Variants in PM20D2 observed in about 807,000 individuals in gnomAD.
PM20D2 encodes peptidase M20 domain containing 2.
A neutral mutation model predicts 42.9 loss-of-function variants in PM20D2; 33 were observed. That is an observed-to-expected ratio of 0.77 (90% confidence interval 0.58 to 1.03). PM20D2 has a LOEUF of 1.03. Among genes scored for constraint, PM20D2 ranks in the 50% least tolerant of loss-of-function variants. The pLI, the probability that PM20D2 is intolerant of heterozygous loss-of-function variation, is 0.00. For synonymous variants in PM20D2, 250 were observed against 228.2 expected (o/e 1.10, Z -0.86); for missense variants, 548 against 557.0 (o/e 0.98, Z 0.16).
the PM20D2 span, among the ~76,000 whole-genome samples, chr6:89,139,941 T>G: frequency 6.6e-6 from 1 of 152,222 alleles, no homozygotes; most frequent in African/African-American, 2.4e-5. Context: ...GGATTTGAAT[T>G]TAATGCCTCA....
chr6:89,101,782 T>A, the PM20D2 span, among the ~76,000 whole-genome samples: 2 of 152,062 alleles, frequency 1.3e-5, no homozygotes, highest in African/African-American at 4.8e-5. Flanking sequence ...ACCACAAGAC[T>A]GACAACTCAC....
chr6:89,148,283 C>G (rs1423730449), intron 1 of PM20D2, among the ~76,000 whole-genome samples: 1 of 152,120 alleles, frequency 6.6e-6, no homozygotes, highest in Non-Finnish European at 1.5e-5. Flanking sequence ...CCGGCCCACT[C>G]TTCTAACTTC....
chr6:89,159,226 C>T (rs1397582289), intron 5 of PM20D2, among the ~76,000 whole-genome samples: 1 of 152,040 alleles, frequency 6.6e-6, no homozygotes, highest in African/African-American at 2.4e-5. Context: ...ACATAGATGT[C>T]GATGAGGTTG....
chr6:89,148,700 CAGA>C (rs1272279907), intron 1 of PM20D2: 9 of 414,274 alleles, frequency 2.2e-5, no homozygotes, highest in Non-Finnish European at 2.9e-5. Flanking sequence ...GAGTTTAGGC[CAGA>C]AGATCAGGAC....
upstream of PM20D2, among the ~76,000 whole-genome samples, chr6:89,145,660 T>C (rs1429048233): frequency 1.3e-5 from 2 of 152,148 alleles, no homozygotes; most frequent in Non-Finnish European, 2.9e-5. Context: ...AGTACAGCAT[T>C]GACACTGACG....
chr6:89,147,499 ATT>A (rs890247729), intron 1 of PM20D2, among the ~76,000 whole-genome samples: 1 of 150,778 alleles, frequency 6.6e-6, no homozygotes, highest in African/African-American at 2.4e-5. Context: ...TCGTTTTTGC[ATT>A]TGTTAGGTTT....
rs74617481 is a variant in PM20D2, at chr6:89,158,080, T to C, written c.913-245T>C. On this transcript the variant is annotated intron_variant, in intron 4 of 6. Transcript: ENST00000275072. Reference sequence around the variant, plus strand: ...ACTGAAGTTGACACTTGGTAGCTAGTATAGAGCTTGGTGACATTGTGGGGT... The same window carrying C: ...ACTGAAGTTGACACTTGGTAGCTAGCATAGAGCTTGGTGACATTGTGGGGT... Among the ~76,000 whole-genome samples, 1,017 of 152,230 alleles carry C rather than the reference T, an allele frequency of 6.7e-3. 12 individuals are homozygous for C. The highest frequency in any genetic ancestry group is 0.024 in the African/African-American group (984 of 41,530).
chr6:89,098,449 T>C, the PM20D2 span: 4 of 1,195,250 alleles, frequency 3.3e-6, no homozygotes, highest in Non-Finnish European at 4.5e-6. Flanking sequence ...AGAGATTTTA[T>C]TTCTTCCATA....
the PM20D2 span, among the ~76,000 whole-genome samples, chr6:89,119,300 A>G: frequency 6.6e-6 from 1 of 152,252 alleles, no homozygotes; most frequent in Non-Finnish European, 1.5e-5. Flanking sequence ...GAAAAGAACT[A>G]TATGCTGCTG....
chr6:89,116,939 T>G, the PM20D2 span, among the ~76,000 whole-genome samples: 1 of 152,128 alleles, frequency 6.6e-6, no homozygotes, highest in East Asian at 1.9e-4. Flanking sequence ...CCGCTCTCCC[T>G]TATGTACAAT....
At position 89,158,318 on chromosome 6, in the gene PM20D2, T is replaced by G. The variant is rs1562259750; in HGVS notation, c.913-7T>G. 1.9e-6 allele frequency: 3 copies of G among 1,563,790 alleles called. No homozygotes were observed. The highest frequency in any genetic ancestry group is 1.2e-5 in the South Asian group (1 of 83,384). ...ATTTCAAAATTTGTTTTGCAATTTTTTATTAGGTGGAAATTAAAGGTGGAG... is the reference window on the plus strand; with the variant it reads ...ATTTCAAAATTTGTTTTGCAATTTTGTATTAGGTGGAAATTAAAGGTGGAG... On this transcript the variant is annotated splice_polypyrimidine_tract_variant and splice_region_variant and intron_variant, in intron 4 of 6. Coordinates refer to ENST00000275072, the MANE Select transcript of PM20D2 (RefSeq NM_001010853.3).
the PM20D2 span, chr6:89,105,664 G>A: frequency 3.5e-6 from 2 of 567,050 alleles, no homozygotes; most frequent in South Asian, 3.7e-5. Context: ...AATATAATAT[G>A]AATAATCAGA....
rs140979599 is a variant in PM20D2 at position 89,146,805 on chromosome 6, G to A, written c.465+196G>A. 4.6e-5 allele frequency among the ~76,000 whole-genome samples: 7 copies of A among 152,356 alleles called. No homozygotes were observed. In the East Asian group the frequency reaches 1.4e-3, roughly 29 times the overall value. ...GAACCCCCAGTCAAAGTCAGTTCGC[G>A]TTGCCGACCTGGCGACATCTTGCAG... On this transcript the variant is annotated intron_variant, in intron 1 of 6. Coordinates refer to ENST00000275072, the MANE Select transcript of PM20D2 (RefSeq NM_001010853.3).
At chr6:89,151,043 T>G (rs550964659) in intron 2 of PM20D2, among the ~76,000 whole-genome samples, 1 of 150,080 alleles carries the variant, frequency 6.7e-6, no homozygotes, top group African/African-American at 2.5e-5. Flanking sequence ...CCCAGCTACT[T>G]GGGAGGCTGA....
At chr6:89,134,440 A>T in the PM20D2 span, among the ~76,000 whole-genome samples, 1 of 150,618 alleles carries the variant, frequency 6.6e-6, no homozygotes, top group Non-Finnish European at 1.5e-5. Context: ...TCCTGACTGA[A>T]CCCCCACACA....
intron 6 of PM20D2, 98 bp downstream of exon 6, chr6:89,161,988 C>T: frequency 1.4e-6 from 2 of 1,475,970 alleles, no homozygotes; most frequent in East Asian, 4.6e-5. Context: ...ATAACATCAC[C>T]TCAGTAAATA....
At chr6:89,140,233 G>A in the PM20D2 span, among the ~76,000 whole-genome samples, 1 of 152,058 alleles carries the variant, frequency 6.6e-6, no homozygotes, top group Non-Finnish European at 1.5e-5. Context: ...CAGGCATGAA[G>A]CACCAGTCCT....
the PM20D2 span, among the ~76,000 whole-genome samples, chr6:89,130,051 A>G: frequency 6.4e-5 from 1 of 15,718 alleles, no homozygotes; most frequent in South Asian, 4.0e-3. Context: ...CTTCTAAATT[A>G]AAAAAAAAAA....
Position 89,153,172 on chromosome 6 carries a change from C to G in PM20D2, c.744C>G (p.Thr248=). The G allele has an allele frequency of 6.2e-7, 1 of 1,602,880 alleles. No individual in the cohort carries two copies. Among genetic ancestry groups the G allele is most frequent in the Non-Finnish European group, 8.5e-7 (1 of 1,175,380 alleles). ...TGTTCAGACAGCAAATGAAACCAAC[C>G]TGGAGAGTTCATGGTATGAATGTCA... ...LSVFRQQMKP[T]WRVHGIIKNG... is the part of the protein sequence containing the mutation. Residue 248 remains threonine (T), a synonymous_variant, in exon 3 of 7, where the codon ACC becomes ACG. Coordinates refer to ENST00000275072, the MANE Select transcript of PM20D2 (RefSeq NM_001010853.3).
Sources: gnomAD v4.1 joint callset for allele counts (sites outside exome capture counted in the v4.1 genomes callset) on GRCh38, gnomAD v4.1.1 for gene constraint, MANE v1.5 for transcripts, NCBI Gene and HGNC (gene_info 2026-07-23, HGNC 2026-07-21) for gene names.